NCKAP5: variants seen among roughly 807,000 people sequenced by gnomAD.
NCKAP5 encodes nck-associated protein 5.
In NCKAP5, 92 loss-of-function variants were observed where a neutral mutation model predicts 167.0. That is an observed-to-expected ratio of 0.55 (90% CI 0.47 to 0.66). The LOEUF is 0.66. Ranked by LOEUF, NCKAP5 falls within the 30% of genes least tolerant of loss-of-function variation. The probability of loss-of-function intolerance (pLI) is 0.00; values close to 1 mark genes in which losing one functional copy is unlikely to be tolerated. For missense variants in NCKAP5, 2,378 were observed against 2,315.0 expected (o/e 1.03, Z -0.56); for synonymous variants, 891 against 877.4 (o/e 1.02, Z -0.27).
intron 3 of NCKAP5, among the ~76,000 whole-genome samples, chr2:133,466,943 T>C (rs1000383844): frequency 3.3e-5 from 5 of 152,248 alleles, no homozygotes; most frequent in African/African-American, 1.2e-4. Flanking sequence ...TATACAATCA[T>C]GTCATCTGCA....
chr2:133,571,513 T>A (rs981943955), upstream of NCKAP5, among the ~76,000 whole-genome samples: 2 of 152,142 alleles, frequency 1.3e-5, no homozygotes, highest in Non-Finnish European at 2.9e-5. Context: ...CCTCTCTCCC[T>A]GAGGCCTGGG....
At chr2:133,434,740 T>C (rs1690365639) in intron 3 of NCKAP5, among the ~76,000 whole-genome samples, 1 of 152,232 alleles carries the variant, frequency 6.6e-6, no homozygotes, top group Admixed American at 6.5e-5. Flanking sequence ...AGTAGGTGAT[T>C]AGTGAACAAT....
At chr2:132,734,136 G>A (rs1031979856) in intron 16 of NCKAP5, among the ~76,000 whole-genome samples, 19 of 152,116 alleles carry the variant, frequency 1.2e-4, no homozygotes, top group Admixed American at 1.0e-3. Context: ...AACCAGACTT[G>A]CAGATTATTC....
intron 3 of NCKAP5, among the ~76,000 whole-genome samples, chr2:133,475,990 A>C (rs1376016010): frequency 6.6e-6 from 1 of 152,180 alleles, no homozygotes. Context: ...AGAACAAAAA[A>C]TCAGTTCTGT....
chr2:133,209,617 T>C (rs1270509533), intron 5 of NCKAP5, among the ~76,000 whole-genome samples: 1 of 151,870 alleles, frequency 6.6e-6, no homozygotes, highest in Non-Finnish European at 1.5e-5. Context: ...AGAAGTCATC[T>C]TCTTTTTAGA....
chr2:133,339,644 A>T lies in NCKAP5; in HGVS notation c.70-36534T>A, dbSNP rs560786579. 2.6e-5 allele frequency among the ~76,000 whole-genome samples: 4 copies of T among 152,306 alleles called. No homozygotes were observed. In the South Asian group the frequency reaches 8.3e-4, roughly 32 times the overall value. On this transcript the variant is annotated intron_variant, in intron 3 of 19. Coordinates refer to ENST00000409261, the MANE Select transcript of NCKAP5 (RefSeq NM_207363.3). ...CTTCTCCTTGATACCAATGGGGAAA[A>T]AATAATTAAGAAAATCTAGAGCCAG...
At chr2:132,689,263 G>C (rs1221730737) in intron 19 of NCKAP5, among the ~76,000 whole-genome samples, 1 of 152,156 alleles carries the variant, frequency 6.6e-6, no homozygotes, top group Non-Finnish European at 1.5e-5. Flanking sequence ...TCCACAGAAG[G>C]ATGAAGGGGT....
intron 5 of NCKAP5, among the ~76,000 whole-genome samples, chr2:133,168,049 A>T (rs192121559): frequency 6.6e-6 from 1 of 152,254 alleles, no homozygotes; most frequent in Admixed American, 6.5e-5. Flanking sequence ...AATTCTTTTA[A>T]TCCTTACAAT....
chr2:133,669,923 T>G, the NCKAP5 span, among the ~76,000 whole-genome samples: 2 of 152,182 alleles, frequency 1.3e-5, no homozygotes, highest in African/African-American at 4.8e-5. Context: ...GATATCTCAG[T>G]CCAGATGAAC....
the NCKAP5 span, among the ~76,000 whole-genome samples, chr2:133,576,884 C>T: frequency 6.6e-6 from 1 of 152,144 alleles, no homozygotes; most frequent in Non-Finnish European, 1.5e-5. Flanking sequence ...GTCCAAAGGT[C>T]GCAGGGTTAG....
At chr2:132,744,180 G>A (rs1407404251) in intron 16 of NCKAP5, among the ~76,000 whole-genome samples, 1 of 151,580 alleles carries the variant, frequency 6.6e-6, no homozygotes, top group Non-Finnish European at 1.5e-5. Flanking sequence ...TTAAAACTTT[G>A]ACCAATGTGA....
chr2:133,575,775 G>T, the NCKAP5 span, among the ~76,000 whole-genome samples: 1 of 152,200 alleles, frequency 6.6e-6, no homozygotes, highest in Non-Finnish European at 1.5e-5. Flanking sequence ...TGCAGACAGG[G>T]CTGGATGAAC....
At chr2:132,795,937 A>G (rs1179397617) in intron 12 of NCKAP5, among the ~76,000 whole-genome samples, 1 of 150,082 alleles carries the variant, frequency 6.7e-6, no homozygotes, top group Non-Finnish European at 1.5e-5. Flanking sequence ...CTTTACGGCT[A>G]TATTATAGAT....
intron 7 of NCKAP5, among the ~76,000 whole-genome samples, chr2:132,983,998 T>G (rs1043182879): frequency 6.6e-6 from 1 of 152,166 alleles, no homozygotes; most frequent in South Asian, 2.1e-4. Context: ...GGCTCACACC[T>G]GGAATCCCAG....
chr2:133,385,655 C>G (rs1425025135), intron 3 of NCKAP5, among the ~76,000 whole-genome samples: 1 of 152,064 alleles, frequency 6.6e-6, no homozygotes, highest in Non-Finnish European at 1.5e-5. Flanking sequence ...TGGTAGAATT[C>G]GGCTGTGAAT....
In NCKAP5 at chr2:132,963,817, TGAA is replaced by T. The variant is rs2076586470; in HGVS notation, c.479_481del (p.Leu160del). ...CCTCGAATCCTCATCAACCACCATGTGAAGATCTTCCAAAGCTTCCTTATGTTT... is the reference window on the plus strand; with the variant it reads ...CCTCGAATCCTCATCAACCACCATGTGATCTTCCAAAGCTTCCTTATGTTT... On this transcript the variant is annotated inframe_deletion, in exon 8 of 20. Coordinates refer to ENST00000409261, the MANE Select transcript of NCKAP5 (RefSeq NM_207363.3). The T allele has an allele frequency of 6.2e-7, 1 of 1,613,840 alleles. No homozygotes were observed. Among genetic ancestry groups the T allele is most frequent in the South Asian group, 1.1e-5 (1 of 91,088 alleles).
intron 8 of NCKAP5, among the ~76,000 whole-genome samples, chr2:132,938,782 G>A (rs1697048820): frequency 6.6e-6 from 1 of 152,156 alleles, no homozygotes; most frequent in Admixed American, 6.6e-5. Flanking sequence ...GGAGAGAGGT[G>A]AGAAAGAGGG....
chr2:132,704,586 T>G (rs1195212728), intron 19 of NCKAP5, among the ~76,000 whole-genome samples: 3 of 152,206 alleles, frequency 2.0e-5, no homozygotes, highest in Non-Finnish European at 2.9e-5. Context: ...ATCTGCTTAT[T>G]CTCTCTAATA....
chr2:133,440,669 C>T (rs1690780647), intron 3 of NCKAP5, among the ~76,000 whole-genome samples: 1 of 130,210 alleles, frequency 7.7e-6, no homozygotes, highest in Non-Finnish European at 1.5e-5. Flanking sequence ...GAGATGGCGC[C>T]ACTGCACTCC....
Sources: gnomAD v4.1 joint callset for allele counts (sites outside exome capture counted in the v4.1 genomes callset) on GRCh38, gnomAD v4.1.1 for gene constraint, MANE v1.5 for transcripts, NCBI Gene and HGNC (gene_info 2026-07-23, HGNC 2026-07-21) for gene names.